Variants in TIAM2 observed in about 807,000 individuals in gnomAD.
The protein encoded by TIAM2 is TIAM Rac1 associated GEF 2, also known as rho guanine nucleotide exchange factor TIAM2.
A neutral mutation model predicts 152.9 loss-of-function variants in TIAM2; 80 were observed. The observed-to-expected ratio is 0.52, with a 90% CI of 0.44 to 0.63. The LOEUF is 0.63. Among genes scored for constraint, TIAM2 ranks in the 30% least tolerant of loss-of-function variants. The pLI is 0.00. For synonymous variants in TIAM2, 804 were observed against 838.0 expected (o/e 0.96, Z 0.70); for missense variants, 1,965 against 2,120.1 (o/e 0.93, Z 1.44).
chr6:155,042,790 T>G (rs558795718), intron 1 of TIAM2, among the ~76,000 whole-genome samples: 1 of 138,860 alleles, frequency 7.2e-6, no homozygotes, highest in Admixed American at 7.0e-5. Flanking sequence ...GAAAATCTAC[T>G]CTCAGCATTT....
intron 1 of TIAM2, among the ~76,000 whole-genome samples, chr6:155,000,194 C>T (rs1043890748): frequency 1.3e-5 from 2 of 152,152 alleles, no homozygotes; most frequent in Non-Finnish European, 2.9e-5. Flanking sequence ...AAACAACTCC[C>T]TCAATGTTAA....
intron 20 of TIAM2, among the ~76,000 whole-genome samples, chr6:155,249,618 C>T (rs777528498): frequency 6.6e-6 from 1 of 152,196 alleles, no homozygotes; most frequent in Non-Finnish European, 1.5e-5. Flanking sequence ...ATACTTTTCA[C>T]TGATACTCTG....
chr6:155,172,781 G>A (rs1395278129), intron 9 of TIAM2, among the ~76,000 whole-genome samples: 15 of 144,448 alleles, frequency 1.0e-4, no homozygotes, highest in South Asian at 2.3e-4. Context: ...GTAGCCAACC[G>A]TGGAATTCTG....
chr6:155,205,836 A>G (rs1272421809), intron 14 of TIAM2, among the ~76,000 whole-genome samples: 1 of 152,214 alleles, frequency 6.6e-6, no homozygotes, highest in African/African-American at 2.4e-5. Flanking sequence ...GGCAACAGGA[A>G]AAAGAAATGG....
intron 21 of TIAM2, chr6:155,250,651 T>C: frequency 6.5e-7 from 1 of 1,532,392 alleles, no homozygotes. Context: ...GGAAACTGAG[T>C]TGGTCACAAG....
chr6:155,248,375 G>A (rs1488595029), intron 20 of TIAM2, among the ~76,000 whole-genome samples, 196 bp downstream of exon 20: 2 of 152,230 alleles, frequency 1.3e-5, no homozygotes, highest in Non-Finnish European at 2.9e-5. Flanking sequence ...CTCCTTTAGA[G>A]CTTACAAAAT....
At chr6:155,253,922 C>G in intron 24 of TIAM2, 51 bp from the exon 25 acceptor site, 1 of 1,456,064 alleles carries the variant, frequency 6.9e-7, no homozygotes, top group Non-Finnish European at 9.5e-7. Context: ...TTCTTAACCA[C>G]AGCATTTTGG....
intron 15 of TIAM2, among the ~76,000 whole-genome samples, chr6:155,226,653 G>A (rs985184916): frequency 7.9e-5 from 11 of 138,374 alleles, no homozygotes; most frequent in Admixed American, 2.2e-4. Flanking sequence ...CAACAAGAGT[G>A]AAACTGCATC....
intron 20 of TIAM2, 150 bp downstream of exon 20, chr6:155,248,329 C>A: frequency 1.1e-6 from 1 of 931,546 alleles, no homozygotes; most frequent in Non-Finnish European, 1.6e-6. Context: ...TCTTAGGTTT[C>A]ACGTGAATAT....
chr6:155,097,105 A>G (rs1384150891), intron 2 of TIAM2, among the ~76,000 whole-genome samples: 1 of 152,148 alleles, frequency 6.6e-6, no homozygotes, highest in Non-Finnish European at 1.5e-5. Flanking sequence ...ATGATTAGTG[A>G]TGCTGAGCAT....
In TIAM2 at chr6:155,248,170, C is replaced by T. The variant is rs770855639; in HGVS notation, c.3823C>T (p.His1275Tyr). Residue 1275 changes from histidine (H) to tyrosine (Y), a missense_variant, in exon 20 of 27, where the codon CAC becomes TAC. Transcript: ENST00000682666. ...LTDQESEEHY[H>Y]LTEALKAMEK... ...GGACCAGGAGAGCGAGGAGCACTACCACCTGACGGGTGAGGCGGCGGCGGC... is the reference window on the plus strand; with the variant it reads ...GGACCAGGAGAGCGAGGAGCACTACTACCTGACGGGTGAGGCGGCGGCGGC... 3.7e-6 allele frequency: 6 copies of T among 1,613,474 alleles called. No homozygotes were observed. In the African/African-American group the frequency reaches 8.0e-5, roughly 22 times the overall value.
At position 155,218,545 on chromosome 6, in the gene TIAM2, C is replaced by G. The variant is rs1781929249; in HGVS notation, c.3168+7238C>G. ...CTATGAATAAACATAACACCACCACCAACCCAGTGTTGTCAAAGGAATCAC... is the reference window on the plus strand; with the variant it reads ...CTATGAATAAACATAACACCACCACGAACCCAGTGTTGTCAAAGGAATCAC... On this transcript the variant is annotated intron_variant, in intron 15 of 26. Transcript: ENST00000682666. The surrounding 1 kb of genome is among the most constrained non-coding windows in gnomAD (Gnocchi z 4.5). Among the ~76,000 whole-genome samples the G allele has an allele frequency of 6.6e-6, 1 of 152,212 alleles. No individual in the cohort carries two copies. The highest frequency in any genetic ancestry group is 1.5e-5 in the Non-Finnish European group (1 of 68,042).
chr6:155,112,922 G>A (rs1015004611), intron 2 of TIAM2, among the ~76,000 whole-genome samples: 4 of 147,930 alleles, frequency 2.7e-5, no homozygotes, highest in African/African-American at 1.0e-4. Context: ...AAGCTGGGGC[G>A]CATTGCCTCT....
At chr6:155,177,493 T>TA in intron 10 of TIAM2, among the ~76,000 whole-genome samples, 1 of 152,324 alleles carries the variant, frequency 6.6e-6, no homozygotes, top group African/African-American at 2.4e-5. Context: ...TGGTAAGTCT[T>TA]AAAGAGAGCC....
At chr6:155,142,918 G>A (rs1779743103) in intron 5 of TIAM2, among the ~76,000 whole-genome samples, 1 of 152,194 alleles carries the variant, frequency 6.6e-6, no homozygotes, top group Admixed American at 6.5e-5. Context: ...GTATAAACTT[G>A]TTTGTTCATA....
intron 2 of TIAM2, among the ~76,000 whole-genome samples, chr6:155,115,373 G>A (rs1431850230): frequency 2.0e-5 from 3 of 151,970 alleles, no homozygotes; most frequent in African/African-American, 2.4e-5. Context: ...GCCTGGTGTG[G>A]TGGCTCACAC....
Position 155,253,022 on chromosome 6 carries a change from C to T in TIAM2, c.4194C>T (p.Ser1398=), listed in dbSNP as rs149596303. ...PFKFRWLIPI[S]ALQVRLGNPA... is the part of the protein sequence containing the mutation. ...AATTCCGCTGGTTGATCCCCATCTC[C>T]GCGCTTCAAGTCAGACTGGGGAATC... Residue 1398 remains serine (S), a synonymous_variant, in exon 24 of 27, where the codon TCC becomes TCT. Coordinates refer to ENST00000682666, the MANE Select transcript of TIAM2 (RefSeq NM_012454.4). 33 of 1,614,206 alleles carry T rather than the reference C, an allele frequency of 2.0e-5. 1 individual carries two copies. Among genetic ancestry groups the T allele is most frequent in the Admixed American group, 6.7e-5 (4 of 60,028 alleles).
At chr6:155,081,129 G>T (rs1190742804) in intron 1 of TIAM2, among the ~76,000 whole-genome samples, 1 of 152,158 alleles carries the variant, frequency 6.6e-6, no homozygotes, top group Non-Finnish European at 1.5e-5. Flanking sequence ...AAGAAAGAGG[G>T]TAAAATATTT....
At chr6:155,091,432 G>A (rs549573446) in intron 2 of TIAM2, among the ~76,000 whole-genome samples, 40 of 152,270 alleles carry the variant, frequency 2.6e-4, no homozygotes, top group African/African-American at 7.9e-4. Flanking sequence ...TGAGTTGAAC[G>A]GTTAAATGAG....
Sources: allele counts gnomAD v4.1 joint callset (sites outside exome capture counted in the v4.1 genomes callset), GRCh38; gene constraint gnomAD v4.1.1; non-coding constraint Gnocchi (gnomAD v3.1); transcripts MANE v1.5; gene names NCBI Gene and HGNC (gene_info 2026-07-23, HGNC 2026-07-21).